Variants in ACTN4 observed in about 807,000 individuals in gnomAD.
The protein encoded by ACTN4 is actinin alpha 4.
A neutral mutation model predicts 114.2 loss-of-function variants in ACTN4; 18 were observed. That is an observed-to-expected ratio of 0.16 (90% CI 0.11 to 0.23). The LOEUF is 0.23. Ranked by LOEUF, ACTN4 falls within the 10% of genes least tolerant of loss-of-function variation. ACTN4 has a pLI of 1.00. For synonymous variants in ACTN4, 515 were observed against 506.3 expected, an observed-to-expected ratio of 1.02 and a Z score of -0.23; for missense variants, 722 against 1,262.9, an observed-to-expected ratio of 0.57 and a Z score of 6.49.
At chr19:38,706,196 C>A in intron 5 of ACTN4, 65 bp downstream of exon 5, 1 of 1,520,936 alleles carries the variant, frequency 6.6e-7, no homozygotes, top group Non-Finnish European at 9.1e-7. Flanking sequence ...CTCCCACCTG[C>A]CCTGTTTGCT....
chr19:38,727,942 G>A lies in ACTN4; in HGVS notation c.2338-4G>A, dbSNP rs1310469129. 4 of 1,612,502 alleles carry A rather than the reference G, an allele frequency of 2.5e-6. No homozygotes were observed. The highest frequency in any genetic ancestry group is 3.4e-6 in the Non-Finnish European group (4 of 1,179,748). The stretch of plus-strand genomic sequence containing the variant: ...GCACACCTGCCTTCGGATGGCCCCG[G>A]CAGGATCATGGCGGGGCGCTGGGGC... On this transcript the variant is annotated splice_polypyrimidine_tract_variant and splice_region_variant and intron_variant, in intron 18 of 20. Coordinates refer to ENST00000252699, the MANE Select transcript of ACTN4 (RefSeq NM_004924.6). The surrounding 1 kb of genome is among the most constrained non-coding windows in gnomAD (Gnocchi z 5.4).
chr19:38,649,052 G>A (rs1433704906), intron 1 of ACTN4, among the ~76,000 whole-genome samples: 1 of 151,706 alleles, frequency 6.6e-6, no homozygotes, highest in East Asian at 1.9e-4. Flanking sequence ...TGTGTGTCGT[G>A]CAGGCAGAAT....
chr19:38,708,445 T>C (rs1041608081), intron 6 of ACTN4, among the ~76,000 whole-genome samples: 5 of 152,146 alleles, frequency 3.3e-5, no homozygotes, highest in Admixed American at 6.5e-5. Flanking sequence ...CCGGGGTTAT[T>C]TAAGGGCCTG....
At chr19:38,657,470 G>A (rs1050435747) in intron 1 of ACTN4, among the ~76,000 whole-genome samples, 2 of 151,868 alleles carry the variant, frequency 1.3e-5, no homozygotes, top group African/African-American at 4.8e-5. Flanking sequence ...GTAAAGACTG[G>A]GTCTCACTAT....
Position 38,730,757 on chromosome 19 carries a change from G to T in ACTN4, c.*1325G>T. ...AGAGACTAGCCCCAGACAGGTGGATGCCAGAGAGAGTGGCACCCATGCCAG... is the reference window on the plus strand; with the variant it reads ...AGAGACTAGCCCCAGACAGGTGGATTCCAGAGAGAGTGGCACCCATGCCAG... On this transcript the variant is annotated 3_prime_UTR_variant, in exon 21 of 21. Transcript: ENST00000252699. 1 of 1,464,076 alleles carries T rather than the reference G, an allele frequency of 6.8e-7. No individual in the cohort carries two copies. The highest frequency in any genetic ancestry group is 9.3e-7 in the Non-Finnish European group (1 of 1,073,810). The allele number at this position is 1,464,076 out of a possible 1,614,324, so 90.7% of individuals were successfully genotyped here.
rs961686713 is a variant in ACTN4, at chr19:38,730,573, C to T, written c.*1141C>T. On this transcript the variant is annotated 3_prime_UTR_variant, in exon 21 of 21. Coordinates refer to ENST00000252699, the MANE Select transcript of ACTN4 (RefSeq NM_004924.6). ...TTTTTTTATTTCTCCTGTGTCTGTC[C>T]TCCACCTTCTAGGAGAGCCAGGGCA... 5.5e-6 allele frequency: 3 copies of T among 541,958 alleles called. No homozygotes were observed. Among genetic ancestry groups the T allele is most frequent in the African/African-American group, 1.9e-5 (1 of 52,996 alleles). 33.6% of individuals were successfully genotyped at this position (541,958 alleles called of 1,614,324 possible). A position where few individuals can be genotyped will look rare whatever the true frequency, so the allele number is the denominator to read the frequency against.
Position 38,724,623 on chromosome 19 carries a change from AG to A in ACTN4, c.2010+63del. ...AGGTTCCAAGAGAGCTCCCGTAGTG[AG>A]GGGGTCCCCGGCCAGCCCAGGGCCT... On this transcript the variant is annotated intron_variant, in intron 16 of 20. Transcript: ENST00000252699. The surrounding 1 kb of genome is among the most constrained non-coding windows in gnomAD (Gnocchi z 7.0). 6.2e-7 allele frequency: 1 copy of A among 1,609,782 alleles called. No homozygotes were observed. The highest frequency in any genetic ancestry group is 8.5e-7 in the Non-Finnish European group (1 of 1,179,754).
In ACTN4 at chr19:38,701,092, G is replaced by A; in HGVS notation, c.368G>A (p.Gly123Asp). The part of the protein sequence containing the change: ...NKALDFIASK[G>D]VKLVSIGAEE... Reference sequence around the variant, plus strand: ...GCGCTGGACTTTATTGCCAGCAAAGGCGTCAAGCTGGTCTCCATCGGGGCA... The same window carrying A: ...GCGCTGGACTTTATTGCCAGCAAAGACGTCAAGCTGGTCTCCATCGGGGCA... The change falls in exon 3 of 21, where the codon GGC (glycine) becomes GAC (aspartate). Residue 123 changes from glycine (G) to aspartate (D), a missense_variant. This residue lies in a region of ACTN4 where 127 missense variants were observed against 311.3 expected (regional missense o/e 0.41). Coordinates refer to ENST00000252699, the MANE Select transcript of ACTN4 (RefSeq NM_004924.6). 6.2e-7 allele frequency: 1 copy of A among 1,614,096 alleles called. No homozygotes were observed. The highest frequency in any genetic ancestry group is 8.5e-7 in the Non-Finnish European group (1 of 1,180,036).
At chr19:38,683,053 T>C (rs1389208087) in intron 1 of ACTN4, among the ~76,000 whole-genome samples, 2 of 152,202 alleles carry the variant, frequency 1.3e-5, no homozygotes, top group African/African-American at 4.8e-5. Context: ...CAGGATAGTG[T>C]ATGGCTCGTG....
rs944837268 is a variant in ACTN4 at position 38,717,717 on chromosome 19, C to T, written c.1144-210C>T. Among the ~76,000 whole-genome samples, 1 of 152,194 alleles carries T rather than the reference C, an allele frequency of 6.6e-6. No individual in the cohort carries two copies. Among genetic ancestry groups the T allele is most frequent in the Non-Finnish European group, 1.5e-5 (1 of 68,024 alleles). ...TCATCCATTCATTCATGCACTCACC[C>T]GTTCACGCATTCATTTTGTTAATCC... On this transcript the variant is annotated intron_variant, in intron 10 of 20. Coordinates refer to ENST00000252699, the MANE Select transcript of ACTN4 (RefSeq NM_004924.6). This position sits in a 1 kb window ranked among gnomAD's most constrained non-coding sequence, Gnocchi z 4.0.
intron 1 of ACTN4, among the ~76,000 whole-genome samples, chr19:38,655,451 C>T (rs1976685773): frequency 6.6e-6 from 1 of 152,152 alleles, no homozygotes; most frequent in Non-Finnish European, 1.5e-5. Flanking sequence ...CAATGTGATT[C>T]AGGGTGTAAT....
intron 1 of ACTN4, among the ~76,000 whole-genome samples, chr19:38,668,166 A>G (rs561149643): frequency 6.6e-6 from 1 of 152,338 alleles, no homozygotes; most frequent in East Asian, 1.9e-4. Context: ...CAGGATCAGG[A>G]TACAGTTAGA....
At chr19:38,707,371 A>T (rs1968496533) in intron 5 of ACTN4, among the ~76,000 whole-genome samples, 1 of 152,100 alleles carries the variant, frequency 6.6e-6, no homozygotes, top group African/African-American at 2.4e-5. Flanking sequence ...CACAGCGGCC[A>T]GTAATCCTGC....
intron 6 of ACTN4, 132 bp from the exon 7 acceptor site, chr19:38,709,263 G>A (rs1324940365): frequency 1.3e-6 from 1 of 758,986 alleles, no homozygotes; most frequent in Non-Finnish European, 2.4e-6. Context: ...ATCACACGTG[G>A]CTGAGAACTG....
chr19:38,725,307 G>T (rs1352503541), intron 16 of ACTN4, among the ~76,000 whole-genome samples: 1 of 152,174 alleles, frequency 6.6e-6, no homozygotes, highest in African/African-American at 2.4e-5. Flanking sequence ...ACTTGTGGGT[G>T]CCGAGACATG....
chr19:38,661,862 C>T (rs1271576573), intron 1 of ACTN4, among the ~76,000 whole-genome samples: 1 of 152,130 alleles, frequency 6.6e-6, no homozygotes, highest in African/African-American at 2.4e-5. Flanking sequence ...CCGTGTTAAC[C>T]AGGATGGTCT....
chr19:38,654,433 A>C (rs1462153544), intron 1 of ACTN4, among the ~76,000 whole-genome samples: 1 of 151,830 alleles, frequency 6.6e-6, no homozygotes, highest in African/African-American at 2.4e-5. Flanking sequence ...ACGGTGGTGC[A>C]CCCCTGTAAT....
At chr19:38,673,690 A>ATTTATAAT (rs1555826386) in intron 1 of ACTN4, among the ~76,000 whole-genome samples, 1 of 68,556 alleles carries the variant, frequency 1.5e-5, no homozygotes. Flanking sequence ...ATTTATATAT[A>ATTTATAAT]TTATATATAT....
intron 11 of ACTN4, 84 bp downstream of exon 11, chr19:38,718,158 A>G: frequency 6.5e-7 from 1 of 1,548,872 alleles, no homozygotes; most frequent in Non-Finnish European, 8.7e-7. Flanking sequence ...GTGTGCACAC[A>G]CAGCCCCCTG....
Sources: gnomAD v4.1 joint callset for allele counts (sites outside exome capture counted in the v4.1 genomes callset) on GRCh38, gnomAD v4.1.1 for gene constraint, gnomAD v4.1.1 regional missense constraint, Gnocchi (gnomAD v3.1) non-coding constraint, MANE v1.5 for transcripts, NCBI Gene and HGNC (gene_info 2026-07-23, HGNC 2026-07-21) for gene names.